Variants in LIMS1 observed in about 807,000 individuals in gnomAD.
The protein encoded by LIMS1 is LIM zinc finger domain containing 1, also known as LIM and senescent cell antigen-like-containing domain protein 1.
Under a neutral mutation model 44.1 loss-of-function variants are expected in LIMS1, and 18 were observed. The observed-to-expected ratio is 0.41, with a 90% CI of 0.28 to 0.61. LIMS1 has a LOEUF of 0.61. Ranked by LOEUF, LIMS1 falls within the 20% of genes least tolerant of loss-of-function variation. The probability of loss-of-function intolerance (pLI) is 0.32; values close to 1 mark genes in which losing one functional copy is unlikely to be tolerated. For synonymous variants in LIMS1, 93 were observed against 149.1 expected (o/e 0.62, Z 2.74); for missense variants, 201 against 422.0 (o/e 0.48, Z 4.59).
chr2:108,596,925 T>G (rs1391102988), intron 1 of LIMS1, among the ~76,000 whole-genome samples: 3 of 141,672 alleles, frequency 2.1e-5, no homozygotes, highest in Admixed American at 7.1e-5. Flanking sequence ...GTTTTTTTTT[T>G]TTTTTTTTTT....
chr2:108,563,632 A>G (rs898915537), intron 1 of LIMS1, among the ~76,000 whole-genome samples: 7 of 152,230 alleles, frequency 4.6e-5, no homozygotes, highest in African/African-American at 1.7e-4. Context: ...TGAACAAAGA[A>G]AGTGATTTCT....
chr2:108,642,650 C>T (rs1448086181), intron 1 of LIMS1, among the ~76,000 whole-genome samples: 5 of 152,046 alleles, frequency 3.3e-5, no homozygotes, highest in African/African-American at 4.8e-5. Flanking sequence ...TGAGCCACCG[C>T]GCCCGGCCGC....
At chr2:108,623,974 G>A (rs528341182) in intron 1 of LIMS1, among the ~76,000 whole-genome samples, 25 of 152,268 alleles carry the variant, frequency 1.6e-4, no homozygotes, top group Non-Finnish European at 3.2e-4. Context: ...GTTCAAAACC[G>A]AAGCAGGTAA....
intron 1 of LIMS1, among the ~76,000 whole-genome samples, chr2:108,620,958 G>T (rs1488414383): frequency 2.0e-5 from 3 of 152,172 alleles, no homozygotes; most frequent in Non-Finnish European, 2.9e-5. Flanking sequence ...AAATAAAACA[G>T]CAGGACCCTT....
intron 1 of LIMS1, among the ~76,000 whole-genome samples, chr2:108,587,891 G>A (rs565606744): frequency 1.4e-4 from 21 of 152,252 alleles, no homozygotes; most frequent in Admixed American, 5.9e-4. Flanking sequence ...TGGCGTGCCC[G>A]TCCCTAAGCT....
chr2:108,560,026 G>A (rs1685060490), intron 1 of LIMS1, among the ~76,000 whole-genome samples: 1 of 151,914 alleles, frequency 6.6e-6, no homozygotes, highest in Non-Finnish European at 1.5e-5. Context: ...GCCTGAGGAA[G>A]AGGTGGTGGA....
intron 1 of LIMS1, among the ~76,000 whole-genome samples, chr2:108,557,244 A>G (rs183689449): frequency 1.3e-5 from 2 of 151,952 alleles, no homozygotes. Flanking sequence ...TGCCTGGCTA[A>G]TTTTTCATTT....
At chr2:108,666,803 T>C (rs1691790850) in intron 2 of LIMS1, among the ~76,000 whole-genome samples, 1 of 151,704 alleles carries the variant, frequency 6.6e-6, no homozygotes, top group Non-Finnish European at 1.5e-5. Context: ...AAAAAAATAA[T>C]AATAATAAAA....
rs537448194 is a variant in LIMS1, at chr2:108,580,413, G to A, written c.32+45819G>A. Among the ~76,000 whole-genome samples the A allele has an allele frequency of 3.1e-4, 47 of 152,244 alleles. 1 individual carries two copies. Among genetic ancestry groups the A allele is most frequent in the African/African-American group, 1.0e-3 (43 of 41,552 alleles). On this transcript the variant is annotated intron_variant, in intron 1 of 9. Transcript: ENST00000544547. ...CAATCAAGGTAGGTGACTGTTAGGTGGTCAGGACAACTAGATCTGTTACCT... is the reference window on the plus strand; with the variant it reads ...CAATCAAGGTAGGTGACTGTTAGGTAGTCAGGACAACTAGATCTGTTACCT...
intron 1 of LIMS1, among the ~76,000 whole-genome samples, chr2:108,642,657 C>G (rs1286418230): frequency 6.6e-6 from 1 of 152,164 alleles, no homozygotes; most frequent in Non-Finnish European, 1.5e-5. Context: ...CCGCGCCCGG[C>G]CGCTACTAGT....
At chr2:108,648,779 T>C (rs1690253239) in intron 1 of LIMS1, among the ~76,000 whole-genome samples, 1 of 152,180 alleles carries the variant, frequency 6.6e-6, no homozygotes, top group African/African-American at 2.4e-5. Flanking sequence ...TGGCTAGCCA[T>C]ATGCAGAAAG....
intron 1 of LIMS1, among the ~76,000 whole-genome samples, chr2:108,603,495 CTTTTTTT>C (rs55909729): frequency 1.1e-5 from 1 of 88,216 alleles, no homozygotes; most frequent in East Asian, 5.3e-4. Flanking sequence ...TTTTCATCGC[CTTTTTTT>C]TTTTTTTTTT....
chr2:108,630,655 G>A (rs368145692), intron 1 of LIMS1, among the ~76,000 whole-genome samples: 1 of 152,284 alleles, frequency 6.6e-6, no homozygotes, highest in African/African-American at 2.4e-5. Context: ...ATGAGTGGTT[G>A]TGTCCCATCC....
At chr2:108,626,506 C>A (rs1688584405) in intron 1 of LIMS1, among the ~76,000 whole-genome samples, 1 of 152,134 alleles carries the variant, frequency 6.6e-6, no homozygotes. Flanking sequence ...ACTGGTTTTA[C>A]AGACCCCCTC....
intron 1 of LIMS1, chr2:108,657,832 C>T (rs1307868486): frequency 2.0e-5 from 3 of 152,400 alleles, no homozygotes; most frequent in Admixed American, 6.5e-5. Flanking sequence ...TGTCTGCACG[C>T]AGTTATTTAT....
intron 1 of LIMS1, among the ~76,000 whole-genome samples, chr2:108,539,391 G>A (rs892166744): frequency 8.5e-5 from 13 of 152,198 alleles, no homozygotes; most frequent in African/African-American, 3.1e-4. Flanking sequence ...AGCTACCAGA[G>A]TTTTCATAGC....
chr2:108,616,236 T>C (rs1187500888), intron 1 of LIMS1, among the ~76,000 whole-genome samples: 1 of 145,776 alleles, frequency 6.9e-6, no homozygotes, highest in African/African-American at 2.6e-5. Context: ...ATAGGGGTCT[T>C]ACTCTGTCAC....
intron 1 of LIMS1, among the ~76,000 whole-genome samples, chr2:108,549,328 T>A (rs1684605525): frequency 8.0e-6 from 1 of 125,206 alleles, no homozygotes; most frequent in South Asian, 2.9e-4. Context: ...GCAGTGTCGC[T>A]CTGTCGCCCA....
At chr2:108,551,949 GTGTGTATA>G (rs1286834035) in intron 1 of LIMS1, among the ~76,000 whole-genome samples, 7 of 98,036 alleles carry the variant, frequency 7.1e-5, no homozygotes, top group Non-Finnish European at 1.2e-4. Flanking sequence ...GTGTGTGTGT[GTGTGTATA>G]TATATATATA....
Sources: allele counts gnomAD v4.1 joint callset (sites outside exome capture counted in the v4.1 genomes callset), GRCh38; gene constraint gnomAD v4.1.1; transcripts MANE v1.5; gene names NCBI Gene and HGNC (gene_info 2026-07-23, HGNC 2026-07-21).